The following ADGRB3 variants were observed in gnomAD, a reference collection of about 807,000 sequenced individuals.
ADGRB3 encodes the protein adhesion G protein-coupled receptor B3.
Under a neutral mutation model 193.4 loss-of-function variants are expected in ADGRB3, and 37 were observed. That is an observed-to-expected ratio of 0.19 (90% CI 0.15 to 0.25). The LOEUF is 0.25. Among genes scored for constraint, ADGRB3 ranks in the 10% least tolerant of loss-of-function variants. ADGRB3 has a pLI of 1.00. For synonymous variants in ADGRB3, 690 were observed against 644.2 expected, an observed-to-expected ratio of 1.07 and a Z score of -1.08; for missense variants, 1,637 against 1,852.9, an observed-to-expected ratio of 0.88 and a Z score of 2.14.
chr6:69,301,764 C>G (rs1487607795), intron 20 of ADGRB3, among the ~76,000 whole-genome samples: 2 of 151,954 alleles, frequency 1.3e-5, no homozygotes, highest in Non-Finnish European at 1.5e-5. Flanking sequence ...GAAACTGCTA[C>G]TGTGACAATA....
intron 3 of ADGRB3, among the ~76,000 whole-genome samples, chr6:68,877,347 G>A (rs1007077514): frequency 2.6e-5 from 4 of 151,502 alleles, no homozygotes; most frequent in Non-Finnish European, 4.4e-5. Context: ...AAAACAAGAT[G>A]AATAGTGTAT....
chr6:69,060,186 TTC>T (rs74424085), intron 15 of ADGRB3, among the ~76,000 whole-genome samples: 1 of 131,894 alleles, frequency 7.6e-6, no homozygotes, highest in Non-Finnish European at 1.7e-5. Flanking sequence ...CACATTTTCT[TTC>T]TCTCTCTCTC....
intron 3 of ADGRB3, among the ~76,000 whole-genome samples, chr6:68,665,114 G>T (rs1044996561): frequency 4.0e-5 from 6 of 151,454 alleles, no homozygotes; most frequent in African/African-American, 1.5e-4. Flanking sequence ...TTCTTGAAAG[G>T]TGAAGAGTGA....
chr6:69,071,465 A>G (rs1772077773), intron 16 of ADGRB3, among the ~76,000 whole-genome samples: 1 of 152,208 alleles, frequency 6.6e-6, no homozygotes, highest in Non-Finnish European at 1.5e-5. Flanking sequence ...GAGAAGTAAA[A>G]GAAAATAGTG....
At chr6:69,091,357 C>G (rs1012473906) in intron 17 of ADGRB3, among the ~76,000 whole-genome samples, 2 of 152,106 alleles carry the variant, frequency 1.3e-5, no homozygotes, top group Admixed American at 6.6e-5. Flanking sequence ...CATTACAGCA[C>G]TTTTCACAAT....
intron 8 of ADGRB3, 39 bp downstream of exon 8, chr6:68,956,848 A>T: frequency 6.5e-7 from 1 of 1,542,434 alleles, no homozygotes; most frequent in Non-Finnish European, 8.7e-7. Flanking sequence ...GAAACATTTC[A>T]TAACGTGAAA....
intron 13 of ADGRB3, among the ~76,000 whole-genome samples, chr6:69,040,546 G>C (rs1771025771): frequency 6.6e-6 from 1 of 151,058 alleles, no homozygotes; most frequent in African/African-American, 2.4e-5. Flanking sequence ...GAGAAAGTAG[G>C]AGTGGCCTGA....
intron 3 of ADGRB3, among the ~76,000 whole-genome samples, chr6:68,714,227 A>C (rs939225347): frequency 6.6e-6 from 1 of 151,870 alleles, no homozygotes; most frequent in Admixed American, 6.6e-5. Context: ...AAAAGAAATC[A>C]CTACTTATAT....
chr6:69,044,687 G>T (rs758335402), intron 13 of ADGRB3, among the ~76,000 whole-genome samples: 1 of 152,146 alleles, frequency 6.6e-6, no homozygotes, highest in Non-Finnish European at 1.5e-5. Flanking sequence ...AGTGCAGCTG[G>T]TTTTTCTCTA....
At chr6:69,283,055 G>T (rs1053858806) in intron 20 of ADGRB3, among the ~76,000 whole-genome samples, 1 of 152,114 alleles carries the variant, frequency 6.6e-6, no homozygotes, top group Non-Finnish European at 1.5e-5. Context: ...AAAACCCAAA[G>T]AATTTACAGA....
intron 20 of ADGRB3, among the ~76,000 whole-genome samples, chr6:69,287,793 A>C (rs1260546736): frequency 6.6e-6 from 1 of 152,188 alleles, no homozygotes; most frequent in Non-Finnish European, 1.5e-5. Flanking sequence ...AAGAAAAGTG[A>C]CTTACGTAAA....
At chr6:68,820,947 T>C (rs1250037908) in intron 3 of ADGRB3, among the ~76,000 whole-genome samples, 1 of 152,030 alleles carries the variant, frequency 6.6e-6, no homozygotes, top group African/African-American at 2.4e-5. Flanking sequence ...TAACATGAAG[T>C]ACAGAAAAGA....
chr6:68,928,093 A>T (rs1238701309), intron 3 of ADGRB3, among the ~76,000 whole-genome samples: 1 of 152,190 alleles, frequency 6.6e-6, no homozygotes, highest in Non-Finnish European at 1.5e-5. Flanking sequence ...TGCATTACAC[A>T]TATTTTAAGA....
intron 20 of ADGRB3, among the ~76,000 whole-genome samples, chr6:69,301,628 T>C (rs1170974616): frequency 6.6e-6 from 1 of 151,940 alleles, no homozygotes; most frequent in African/African-American, 2.4e-5. Flanking sequence ...AGAAAAGTTA[T>C]GACATTACAA....
At position 69,268,828 on chromosome 6, in the gene ADGRB3, G is replaced by A. The variant is rs373555036; in HGVS notation, c.2814+29602G>A. On this transcript the variant is annotated intron_variant, in intron 20 of 31. Transcript: ENST00000370598. ...CAAAATGGGCTGGCCGGGTCTAGGG[G>A]CAGGACTGGTTAATGGCTGGAGTGC... is the stretch of plus-strand genomic sequence containing the variant. 9.1e-4 allele frequency among the ~76,000 whole-genome samples: 139 copies of A among 152,220 alleles called. 1 individual carries two copies. The South Asian group carries it at 0.022, about 24-fold the overall frequency.
rs1045718885 is a variant in ADGRB3 at position 69,360,904 on chromosome 6, A to G, written c.3631A>G (p.Thr1211Ala). Residue 1211 changes from threonine (T) to alanine (A), a missense_variant, in exon 29 of 32, where the codon ACA becomes GCA. Thr to Ala is a moderately conservative substitution (Grantham distance 58). This residue lies in a region of ADGRB3 where 116 missense variants were observed against 168.1 expected (regional missense o/e 0.69). Transcript: ENST00000370598. Reference sequence around the variant, plus strand: ...GGATATTGGTCCTTGCCGAGCAGCCACAATAACAGGAACACTTTCTAGGAT... The same window carrying G: ...GGATATTGGTCCTTGCCGAGCAGCCGCAATAACAGGAACACTTTCTAGGAT... Reference protein sequence around the residue: ...HKDIGPCRAATITGTLSRISL... With the variant: ...HKDIGPCRAAAITGTLSRISL... The G allele has an allele frequency of 3.1e-6, 5 of 1,611,022 alleles. No homozygotes were observed. The highest frequency in any genetic ancestry group is 1.7e-4 in the Middle Eastern group (1 of 6,058).
At position 69,272,921 on chromosome 6, in the gene ADGRB3, A is replaced by G. The variant is rs529379870; in HGVS notation, c.2814+33695A>G. 7.2e-5 allele frequency among the ~76,000 whole-genome samples: 11 copies of G among 152,096 alleles called. No homozygotes were observed. The South Asian group carries it at 2.1e-3, about 29-fold the overall frequency. On this transcript the variant is annotated intron_variant, in intron 20 of 31. Transcript: ENST00000370598. ...CCATTTTTGTTTTGTTTTGTTTGAG[A>G]TGGAGTTTTGCTCTTTTTGCCCAGG...
At chr6:68,664,086 AATG>A (rs1416948301) in intron 3 of ADGRB3, among the ~76,000 whole-genome samples, 2 of 151,808 alleles carry the variant, frequency 1.3e-5, no homozygotes, top group African/African-American at 2.4e-5. Context: ...TCGTTTTTAA[AATG>A]ATAAGTGTTC....
chr6:68,956,087 C>G lies in ADGRB3; in HGVS notation c.1259C>G (p.Thr420Ser). ...TGCTCAGTAACGTGCTCGAATGGGA[C>G]TCAGCAGAGAAGCCGGCAGTGCACT... ...SQCSVTCSNG[T>S]QQRSRQCTAA... Residue 420 changes from threonine (T) to serine (S), a missense_variant, in exon 7 of 32, where the codon ACT (threonine) becomes AGT (serine). Thr to Ser is a moderately conservative substitution (Grantham distance 58). Around this residue, in one of 7 missense-constraint regions of ADGRB3, gnomAD observed 641 missense variants for 673.9 expected, o/e 0.95. Coordinates refer to ENST00000370598, the MANE Select transcript of ADGRB3 (RefSeq NM_001704.3). 6.2e-7 allele frequency: 1 copy of G among 1,613,982 alleles called. No homozygotes were observed. Among genetic ancestry groups the G allele is most frequent in the Non-Finnish European group, 8.5e-7 (1 of 1,179,974 alleles).
Sources: allele counts gnomAD v4.1 joint callset (sites outside exome capture counted in the v4.1 genomes callset), GRCh38; gene constraint gnomAD v4.1.1; regional missense constraint gnomAD v4.1.1; transcripts MANE v1.5; gene names NCBI Gene and HGNC (gene_info 2026-07-23, HGNC 2026-07-21).